KTN1: variants seen among roughly 807,000 people sequenced by gnomAD.
KTN1 encodes kinectin.
In KTN1, 130 loss-of-function variants were observed where a neutral mutation model predicts 222.5. The ratio of observed to expected loss-of-function variants is 0.58; its 90% CI spans 0.51 to 0.68. The LOEUF (loss-of-function observed/expected upper bound fraction) is 0.68. Among genes scored for constraint, KTN1 ranks in the 30% least tolerant of loss-of-function variants. The pLI is 0.00. For missense variants in KTN1, 1,508 were observed against 1,500.4 expected (o/e 1.01, Z -0.08); for synonymous variants, 512 against 496.3 (o/e 1.03, Z -0.42).
intron 24 of KTN1, chr14:55,651,687 C>A: frequency 7.5e-6 from 4 of 531,486 alleles, no homozygotes; most frequent in Non-Finnish European, 3.4e-6. Context: ...TTTTCCTTGT[C>A]CCTCCCCCTT....
intron 29 of KTN1, among the ~76,000 whole-genome samples, chr14:55,657,397 G>GGTTTTTTTTTT (rs1491317155): frequency 2.9e-5 from 4 of 137,678 alleles, no homozygotes; most frequent in African/African-American, 1.1e-4. Flanking sequence ...CTGAGTTGAC[G>GGTTTTTTTTTT]TTTTTTTTTT....
chr14:55,673,269 C>CCT lies in KTN1; in HGVS notation c.3771+16_3771+17dup. On this transcript the variant is annotated intron_variant, in intron 40 of 43. Transcript: ENST00000395314. ...GAGCTAAATTTGGTAAGAAGCTTGT[C>CCT]CTCCACTGGGTATCAAGTAGGCACT... 1 of 1,553,824 alleles carries CCT rather than the reference C, an allele frequency of 6.4e-7. No individual in the cohort carries two copies. Among genetic ancestry groups the CCT allele is most frequent in the Non-Finnish European group, 8.9e-7 (1 of 1,125,900 alleles).
chr14:55,663,585 C>CT (rs1234937536), intron 32 of KTN1: 1 of 176,732 alleles, frequency 5.7e-6, no homozygotes, highest in African/African-American at 2.4e-5. Flanking sequence ...ACATGAAAAG[C>CT]TTTTTATAAT....
intron 41 of KTN1, among the ~76,000 whole-genome samples, chr14:55,678,100 C>G (rs1295657870): frequency 6.6e-6 from 1 of 152,208 alleles, no homozygotes; most frequent in African/African-American, 2.4e-5. Flanking sequence ...TAATACTAAC[C>G]TAAATATCAA....
chr14:55,665,341 C>A (rs1751609240), intron 33 of KTN1, among the ~76,000 whole-genome samples: 1 of 151,884 alleles, frequency 6.6e-6, no homozygotes. Flanking sequence ...TCACACCATT[C>A]CTACAAGAAG....
intron 33 of KTN1, 31 bp from the exon 34 acceptor site, chr14:55,667,210 T>C: frequency 8.0e-7 from 1 of 1,253,158 alleles, no homozygotes; most frequent in Non-Finnish European, 1.1e-6. Context: ...TGTGATCTTG[T>C]AAGTTTGATT....
chr14:55,640,181 C>G (rs2041624153), intron 14 of KTN1, among the ~76,000 whole-genome samples, 178 bp downstream of exon 14: 1 of 151,824 alleles, frequency 6.6e-6, no homozygotes, highest in Admixed American at 6.6e-5. Context: ...ATTCAAAGGG[C>G]TTCTCTCATG....
chr14:55,602,974 A>G (rs775647709), intron 1 of KTN1, among the ~76,000 whole-genome samples: 1 of 152,218 alleles, frequency 6.6e-6, no homozygotes, highest in Non-Finnish European at 1.5e-5. Context: ...ACAAATGTCT[A>G]TACCGTCTAC....
chr14:55,679,871 T>A lies in KTN1; in HGVS notation c.4069+186T>A, dbSNP rs2046215746. ...TATTTTGTGCATATCTTGAAGGTCT[T>A]GTAGCTTGGAGGGGTTATCTGTGCC... On this transcript the variant is annotated intron_variant, in intron 43 of 43. Coordinates refer to ENST00000395314, the MANE Select transcript of KTN1 (RefSeq NM_001079521.2). The A allele has an allele frequency of 9.8e-6, 6 of 611,538 alleles. No homozygotes were observed. In the Admixed American group the frequency reaches 1.7e-4, roughly 17 times the overall value. 37.9% of individuals were successfully genotyped at this position (611,538 alleles called of 1,614,324 possible).
rs558115463 is a variant in KTN1, at chr14:55,628,782, T to G, written c.1080+754T>G. Among the ~76,000 whole-genome samples, 108 of 150,856 alleles carry G rather than the reference T, an allele frequency of 7.2e-4. 2 individuals are homozygous for G. The highest frequency in any genetic ancestry group is 2.5e-3 in the African/African-American group (105 of 41,294). ...TAAAGTTGTTAATAAAATTAGAAACTTTAACATAGTTTTTTGTGACTATAT... is the reference window on the plus strand; with the variant it reads ...TAAAGTTGTTAATAAAATTAGAAACGTTAACATAGTTTTTTGTGACTATAT... On this transcript the variant is annotated intron_variant, in intron 6 of 43. Coordinates refer to ENST00000395314, the MANE Select transcript of KTN1 (RefSeq NM_001079521.2).
chr14:55,635,304 T>C (rs1385719738), intron 9 of KTN1, among the ~76,000 whole-genome samples: 1 of 152,192 alleles, frequency 6.6e-6, no homozygotes, highest in African/African-American at 2.4e-5. Context: ...TTTTATCATA[T>C]ATATGGGGGT....
chr14:55,659,520 C>G (rs2043880397), intron 30 of KTN1, 146 bp from the exon 31 acceptor site: 4 of 621,324 alleles, frequency 6.4e-6, no homozygotes, highest in Non-Finnish European at 5.8e-6. Flanking sequence ...ATTAAAATCA[C>G]TTGATTAAAG....
rs1402496488 is a variant in KTN1, at chr14:55,640,006, A to G, written c.1914+3A>G. 1 of 1,545,774 alleles carries G rather than the reference A, an allele frequency of 6.5e-7. No homozygotes were observed. The highest frequency in any genetic ancestry group is 1.1e-5 in the South Asian group (1 of 88,676). Reference sequence around the variant, plus strand: ...CAAGTAAAGAAGAGGAACTTAAGGTATAGTAATTTGTATAAATGGCTGCAA... The same window carrying G: ...CAAGTAAAGAAGAGGAACTTAAGGTGTAGTAATTTGTATAAATGGCTGCAA... On this transcript the variant is annotated splice_donor_region_variant and intron_variant, in intron 14 of 43. Coordinates refer to ENST00000395314, the MANE Select transcript of KTN1 (RefSeq NM_001079521.2).
chr14:55,619,873 C>T (rs1158311723), intron 5 of KTN1, among the ~76,000 whole-genome samples: 1 of 152,130 alleles, frequency 6.6e-6, no homozygotes, highest in African/African-American at 2.4e-5. Context: ...CAAAACCAAT[C>T]ATGCCCTCCT....
chr14:55,632,629 A>G (rs1045055929), intron 7 of KTN1, among the ~76,000 whole-genome samples: 9 of 152,182 alleles, frequency 5.9e-5, no homozygotes, highest in African/African-American at 1.9e-4. Flanking sequence ...ATTACACAGC[A>G]TTATGGATAT....
At chr14:55,660,402 T>G (rs1160465004) in intron 31 of KTN1, among the ~76,000 whole-genome samples, 2 of 151,506 alleles carry the variant, frequency 1.3e-5, no homozygotes, top group Non-Finnish European at 2.9e-5. Context: ...TTTTTTTTTT[T>G]TTTTTTTTAC....
intron 1 of KTN1, among the ~76,000 whole-genome samples, chr14:55,610,428 A>G (rs2037373162): frequency 6.6e-6 from 1 of 152,212 alleles, no homozygotes; most frequent in Admixed American, 6.5e-5. Context: ...GCAAAGTCTT[A>G]TATTCAATAA....
At chr14:55,599,420 A>G (rs918619026) in intron 1 of KTN1, among the ~76,000 whole-genome samples, 1 of 152,078 alleles carries the variant, frequency 6.6e-6, no homozygotes, top group Admixed American at 6.5e-5. Flanking sequence ...TTTCCTTCCC[A>G]AGAGTTTTTC....
rs191513895 is a variant in KTN1 at position 55,670,604 on chromosome 14, G to A, written c.3268-125G>A. 3.2e-5 allele frequency: 19 copies of A among 595,558 alleles called. No homozygotes were observed. The African/African-American group carries it at 3.2e-4, about 10-fold the overall frequency. The allele number at this position is 595,558 out of a possible 1,614,324, so 36.9% of individuals were successfully genotyped here. ...ATTCCTCTTTGAAATTTGTAGCAAT[G>A]TCCTGTTTGTCTGTGTAGGTTTCTT... On this transcript the variant is annotated intron_variant, in intron 34 of 43. Transcript: ENST00000395314.
Sources: allele counts gnomAD v4.1 joint callset (sites outside exome capture counted in the v4.1 genomes callset), GRCh38; gene constraint gnomAD v4.1.1; transcripts MANE v1.5; gene names NCBI Gene and HGNC (gene_info 2026-07-23, HGNC 2026-07-21).